Variants in PRH1 observed in about 807,000 individuals in gnomAD.
PRH1 encodes the protein proline rich protein HaeIII subfamily 1, also known as salivary acidic proline-rich phosphoprotein 1/2.
A neutral mutation model predicts 7.9 loss-of-function variants in PRH1; 7 were observed. The observed-to-expected ratio is 0.89, with a 90% confidence interval of 0.50 to 1.67. PRH1 has a LOEUF of 1.67. PRH1 is among the 40% of genes most tolerant of loss of function. PRH1 has a pLI of 0.00. For synonymous variants in PRH1, 45 were observed against 80.8 expected (o/e 0.56, Z 2.38); for missense variants, 109 against 223.6 (o/e 0.49, Z 3.27).
At chr12:11,145,818 T>C (rs1946844256) in intron 1 of PRH1, among the ~76,000 whole-genome samples, 2 of 152,178 alleles carry the variant, frequency 1.3e-5, no homozygotes, top group African/African-American at 4.8e-5. Context: ...TTCTGCTCTA[T>C]ATCTCTTTTA....
At chr12:11,134,015 C>G in intron 1 of PRH1, 1 of 1,614,084 alleles carries the variant, frequency 6.2e-7, no homozygotes, top group East Asian at 2.2e-5. Context: ...TACTTCTACA[C>G]TATAAAAAGC....
intron 1 of PRH1, among the ~76,000 whole-genome samples, chr12:10,988,165 C>T (rs1591772375): frequency 6.6e-6 from 1 of 152,208 alleles, no homozygotes. Context: ...CAGAGCTATC[C>T]ACCAAACCCA....
chr12:10,902,929 C>T (rs1949743867), intron 2 of PRH1, among the ~76,000 whole-genome samples: 1 of 152,094 alleles, frequency 6.6e-6, no homozygotes, highest in African/African-American at 2.4e-5. Context: ...TAGCCCAAGA[C>T]CCTATAAAGA....
chr12:10,994,667 A>G (rs1367025324), intron 1 of PRH1, among the ~76,000 whole-genome samples: 1 of 152,024 alleles, frequency 6.6e-6, no homozygotes, highest in Non-Finnish European at 1.5e-5. Context: ...TAAGATATTC[A>G]TTCAGTGTTA....
chr12:11,031,539 C>T (rs566902777), intron 1 of PRH1: 17 of 583,990 alleles, frequency 2.9e-5, no homozygotes, highest in African/African-American at 7.6e-5. Flanking sequence ...AAGCTTCCAC[C>T]GGGAGGAAGG....
chr12:11,045,938 T>C (rs1049966635), intron 1 of PRH1, among the ~76,000 whole-genome samples: 3 of 152,162 alleles, frequency 2.0e-5, no homozygotes, highest in African/African-American at 7.2e-5. Context: ...AGTGGCTATT[T>C]GTTTGGATTA....
At chr12:10,911,305 C>T (rs1230616306) in intron 2 of PRH1, among the ~76,000 whole-genome samples, 1 of 152,154 alleles carries the variant, frequency 6.6e-6, no homozygotes, top group African/African-American at 2.4e-5. Flanking sequence ...TGATATAACA[C>T]ATGACAAAGA....
rs143820565 is a variant in PRH1, at chr12:10,935,376, A to G, written c.-59+38279T>C. Among the ~76,000 whole-genome samples the G allele has an allele frequency of 3.9e-3, 591 of 152,286 alleles. 19 individuals are homozygous for G. The highest frequency in any genetic ancestry group is 0.033 in the Admixed American group (508 of 15,282). ...TATATCAAAATATTTTAAAAACATA[A>G]TTACCCTTGATATTCTCTAATACTT... is the stretch of plus-strand genomic sequence containing the variant. On this transcript the variant is annotated intron_variant, in intron 2 of 3. Coordinates refer to the PRH1 transcript ENST00000539853.
At chr12:10,948,350 T>C (rs575801263) in intron 2 of PRH1, among the ~76,000 whole-genome samples, 29 of 152,238 alleles carry the variant, frequency 1.9e-4, no homozygotes, top group Non-Finnish European at 4.1e-4. Context: ...TTTATTTTTG[T>C]CTGACTGTAT....
chr12:11,130,758 T>C (rs1465479278), intron 1 of PRH1, among the ~76,000 whole-genome samples: 1 of 152,208 alleles, frequency 6.6e-6, no homozygotes, highest in Non-Finnish European at 1.5e-5. Context: ...AAGTATACTC[T>C]GTCTGAAAAG....
intron 1 of PRH1, among the ~76,000 whole-genome samples, chr12:11,074,704 C>G (rs71453420): frequency 0.031 from 3,185 of 103,352 alleles, 883 homozygotes; most frequent in South Asian, 0.049. Context: ...ATTGGTTAGT[C>G]TGACTTTCCC....
chr12:11,169,978 T>C (rs1947765376), intron 1 of PRH1, among the ~76,000 whole-genome samples: 1 of 152,224 alleles, frequency 6.6e-6, no homozygotes, highest in Non-Finnish European at 1.5e-5. Context: ...GGTACCGTAC[T>C]TGTGCTCTGA....
At chr12:11,044,370 G>A (rs929791034) in intron 1 of PRH1, among the ~76,000 whole-genome samples, 3 of 152,094 alleles carry the variant, frequency 2.0e-5, no homozygotes, top group African/African-American at 7.2e-5. Context: ...CAGGACATTG[G>A]TTTGAGCAAA....
At chr12:10,947,637 T>G (rs993900334) in intron 2 of PRH1, among the ~76,000 whole-genome samples, 2 of 152,188 alleles carry the variant, frequency 1.3e-5, no homozygotes, top group African/African-American at 4.8e-5. Context: ...ACATTCAAGA[T>G]TAATATTGAT....
intron 1 of PRH1, among the ~76,000 whole-genome samples, chr12:11,001,896 TAAATA>T (rs1940612776): frequency 2.0e-5 from 3 of 152,068 alleles, no homozygotes; most frequent in Admixed American, 1.3e-4. Flanking sequence ...GGTTAAAAAA[TAAATA>T]AAATAAAACC....
chr12:10,961,985 C>G (rs1267785806), intron 2 of PRH1, among the ~76,000 whole-genome samples: 1 of 152,212 alleles, frequency 6.6e-6, no homozygotes, highest in Non-Finnish European at 1.5e-5. Context: ...CCAACACGTT[C>G]TTTCACATCT....
intron 1 of PRH1, among the ~76,000 whole-genome samples, chr12:10,989,763 T>G (rs1231295420): frequency 6.6e-6 from 1 of 152,198 alleles, no homozygotes; most frequent in Non-Finnish European, 1.5e-5. Flanking sequence ...AATTTCTATT[T>G]GTTAAAGTCC....
At chr12:11,105,138 T>C (rs1945372524) in intron 1 of PRH1, among the ~76,000 whole-genome samples, 1 of 152,044 alleles carries the variant, frequency 6.6e-6, no homozygotes, top group African/African-American at 2.4e-5. Flanking sequence ...ATATAATTAG[T>C]TAACAGCATA....
upstream of PRH1, among the ~76,000 whole-genome samples, chr12:10,886,372 C>G (rs999237994): frequency 6.6e-6 from 1 of 152,164 alleles, no homozygotes; most frequent in Admixed American, 6.5e-5. Context: ...TCCTTGGCAG[C>G]AGAGTACAGG....
Sources: gnomAD v4.1 joint callset for allele counts (sites outside exome capture counted in the v4.1 genomes callset) on GRCh38, gnomAD v4.1.1 for gene constraint, MANE v1.5 for transcripts, NCBI Gene and HGNC (gene_info 2026-07-23, HGNC 2026-07-21) for gene names.